Variants in ELAVL1 observed in about 807,000 individuals in gnomAD.
ELAVL1 encodes ELAV-like protein 1.
A neutral mutation model predicts 28.4 loss-of-function variants in ELAVL1; 1 was observed. That is an observed-to-expected ratio of 0.04 (90% CI 0.01 to 0.17). The LOEUF is 0.17. ELAVL1 is among the 10% of genes least tolerant of loss of function. ELAVL1 has a pLI of 1.00. For missense variants in ELAVL1, 157 were observed against 447.2 expected, an observed-to-expected ratio of 0.35 and a Z score of 5.85; for synonymous variants, 174 against 183.5, an observed-to-expected ratio of 0.95 and a Z score of 0.42.
chr19:7,996,582 G>A (rs945737469), intron 1 of ELAVL1, among the ~76,000 whole-genome samples: 2 of 151,908 alleles, frequency 1.3e-5, no homozygotes, highest in Non-Finnish European at 2.9e-5. Context: ...GAGGTGGGTG[G>A]ATCACCTGAG....
At chr19:7,987,762 C>G (rs7251814) in intron 2 of ELAVL1, among the ~76,000 whole-genome samples, 19 of 152,090 alleles carry the variant, frequency 1.2e-4, no homozygotes, top group Non-Finnish European at 2.2e-4. Context: ...TAACAAAGCT[C>G]CTCCCTCCAG....
At position 8,001,986 on chromosome 19, in the gene ELAVL1, T is replaced by TC. The variant is rs1266279562; in HGVS notation, c.-17+3508dup. The TC allele has an allele frequency of 3.2e-6, 4 of 1,239,360 alleles. No individual in the cohort carries two copies. In the African/African-American group the frequency reaches 4.6e-5, roughly 14 times the overall value. The allele number at this position is 1,239,360 out of a possible 1,614,324, so 76.8% of individuals were successfully genotyped here. A position where few individuals can be genotyped will look rare whatever the true frequency, so the allele number is the denominator to read the frequency against. ...AGCCTGTGACTGGTTTCTCCTTGTC[T>TC]CCCCCCAGCCTCTCCACCAGGGTGA... is the stretch of plus-strand genomic sequence containing the variant. On this transcript the variant is annotated intron_variant, in intron 1 of 5. Transcript: ENST00000407627.
chr19:7,991,049 G>A (rs1242831620), intron 2 of ELAVL1, among the ~76,000 whole-genome samples: 1 of 152,210 alleles, frequency 6.6e-6, no homozygotes, highest in Non-Finnish European at 1.5e-5. Flanking sequence ...CCACTGTGAG[G>A]GAGTGGAACA....
chr19:7,968,463 C>T (rs1306166780), intron 4 of ELAVL1, among the ~76,000 whole-genome samples: 1 of 152,246 alleles, frequency 6.6e-6, no homozygotes, highest in Non-Finnish European at 1.5e-5. Context: ...CCCAAATTGC[C>T]ATCAGAATCA....
rs888321590 is a variant in ELAVL1 at position 7,981,252 on chromosome 19, G to A, written c.173-66C>T. 33 of 1,516,706 alleles carry A rather than the reference G, an allele frequency of 2.2e-5. No homozygotes were observed. The highest frequency in any genetic ancestry group is 9.0e-5 in the East Asian group (4 of 44,330). The allele number at this position is 1,516,706 out of a possible 1,614,324, so 94.0% of individuals were successfully genotyped here. ...TGCGAGTGAGGGACAGGGAGGTCGG[G>A]AAGCACTATATCTGCCTGGCCTTTG... On this transcript the variant is annotated intron_variant, in intron 2 of 5. Transcript: ENST00000407627. The surrounding 1 kb of genome is among the most constrained non-coding windows in gnomAD (Gnocchi z 4.2).
At chr19:7,984,986 C>T (rs1985562519) in intron 2 of ELAVL1, among the ~76,000 whole-genome samples, 1 of 152,204 alleles carries the variant, frequency 6.6e-6, no homozygotes, top group Non-Finnish European at 1.5e-5. Context: ...GTTGCCAAGA[C>T]TCGGCTCACT....
chr19:7,972,207 T>G (rs959553085), intron 4 of ELAVL1, among the ~76,000 whole-genome samples: 4 of 152,244 alleles, frequency 2.6e-5, no homozygotes, highest in African/African-American at 9.6e-5. Flanking sequence ...CAAACAGAGC[T>G]GAGCGATCCT....
chr19:7,980,636 C>A (rs1165836883), intron 3 of ELAVL1, among the ~76,000 whole-genome samples: 1 of 152,196 alleles, frequency 6.6e-6, no homozygotes, highest in Admixed American at 6.5e-5. Flanking sequence ...ACATGGCTAT[C>A]CTCTGTCTTG....
chr19:8,005,296 CG>C (rs1043339895), intron 1 of ELAVL1, among the ~76,000 whole-genome samples, 198 bp downstream of exon 1: 1 of 151,028 alleles, frequency 6.6e-6, no homozygotes, highest in African/African-American at 2.4e-5. Context: ...AATCCGGCCC[CG>C]GGGCCTGTAG....
chr19:7,995,606 T>G (rs1021569555), intron 1 of ELAVL1, among the ~76,000 whole-genome samples: 1 of 152,192 alleles, frequency 6.6e-6, no homozygotes, highest in Non-Finnish European at 1.5e-5. Flanking sequence ...CACAGTTAAG[T>G]AGTAGCAACC....
intron 1 of ELAVL1, among the ~76,000 whole-genome samples, chr19:8,003,249 C>T (rs2081074249): frequency 1.4e-5 from 2 of 147,572 alleles, no homozygotes; most frequent in South Asian, 4.3e-4. Context: ...ATTAGCTGGA[C>T]GTGGTGGCGG....
At chr19:7,993,994 G>A (rs1284178116) in intron 1 of ELAVL1, among the ~76,000 whole-genome samples, 1 of 152,184 alleles carries the variant, frequency 6.6e-6, no homozygotes, top group Non-Finnish European at 1.5e-5. Flanking sequence ...TGGAAAATCA[G>A]TACAATTTCC....
intron 3 of ELAVL1, among the ~76,000 whole-genome samples, chr19:7,978,909 T>C (rs116905941): frequency 2.0e-5 from 3 of 152,132 alleles, no homozygotes; most frequent in Non-Finnish European, 2.9e-5. Flanking sequence ...CCAGGATCAG[T>C]TGAACGCACA....
At chr19:7,992,830 G>A (rs975059317) in intron 1 of ELAVL1, among the ~76,000 whole-genome samples, 2 of 152,098 alleles carry the variant, frequency 1.3e-5, no homozygotes, top group South Asian at 2.1e-4. Context: ...TGGGTGTGGC[G>A]GCGCCATCAC....
At position 7,982,928 on chromosome 19, in the gene ELAVL1, G is replaced by A. The variant is rs553458853; in HGVS notation, c.173-1742C>T. On this transcript the variant is annotated intron_variant, in intron 2 of 5. Coordinates refer to ENST00000407627, the MANE Select transcript of ELAVL1 (RefSeq NM_001419.3). The surrounding 1 kb of genome is among the most constrained non-coding windows in gnomAD (Gnocchi z 4.3). Reference sequence around the variant, plus strand: ...TCACACGATGTCAAGGGCACAGGCCGTCAACGTGACTTATGGCTGCTGGTG... The same window carrying A: ...TCACACGATGTCAAGGGCACAGGCCATCAACGTGACTTATGGCTGCTGGTG... Among the ~76,000 whole-genome samples, 3 of 152,332 alleles carry A rather than the reference G, an allele frequency of 2.0e-5. No homozygotes were observed. The highest frequency in any genetic ancestry group is 2.1e-4 in the South Asian group (1 of 4,830).
intron 1 of ELAVL1, among the ~76,000 whole-genome samples, chr19:8,001,289 G>A (rs1218017553): frequency 6.6e-6 from 1 of 151,980 alleles, no homozygotes; most frequent in Non-Finnish European, 1.5e-5. Flanking sequence ...ACTTCATTTG[G>A]TGGCATAGCC....
chr19:7,972,622 T>C (rs1191017893), intron 4 of ELAVL1, among the ~76,000 whole-genome samples: 2 of 132,264 alleles, frequency 1.5e-5, no homozygotes, highest in Admixed American at 1.4e-4. Flanking sequence ...GCAGCCTTTT[T>C]TTTTCTTTTT....
chr19:7,979,508 G>A lies in ELAVL1; in HGVS notation c.276+1575C>T, dbSNP rs1212935837. 6.6e-6 allele frequency among the ~76,000 whole-genome samples: 1 copy of A among 152,240 alleles called. No individual in the cohort carries two copies. The highest frequency in any genetic ancestry group is 1.5e-5 in the Non-Finnish European group (1 of 68,042). ...GCGTTCTGCTCCACACCTCAGCCTGGCTGCCTCAGAAACAAGAACCTTCAC... is the reference window on the plus strand; with the variant it reads ...GCGTTCTGCTCCACACCTCAGCCTGACTGCCTCAGAAACAAGAACCTTCAC... On this transcript the variant is annotated intron_variant, in intron 3 of 5. Transcript: ENST00000407627. The surrounding 1 kb of genome is among the most constrained non-coding windows in gnomAD (Gnocchi z 5.4).
rs370667077 is a variant in ELAVL1 at position 8,005,057 on chromosome 19, C to T, written c.-17+438G>A. Among the ~76,000 whole-genome samples the T allele has an allele frequency of 3.2e-4, 49 of 152,264 alleles. 1 individual carries two copies. The highest frequency in any genetic ancestry group is 1.1e-3 in the African/African-American group (46 of 41,570). ...AAAGGACCTCGCACCGGCCGCGGTG[C>T]TCTGACAACGACCACAAAAGAATCT... On this transcript the variant is annotated intron_variant, in intron 1 of 5. Transcript: ENST00000407627.
Sources: gnomAD v4.1 joint callset for allele counts (sites outside exome capture counted in the v4.1 genomes callset) on GRCh38, gnomAD v4.1.1 for gene constraint, Gnocchi (gnomAD v3.1) non-coding constraint, MANE v1.5 for transcripts, NCBI Gene and HGNC (gene_info 2026-07-23, HGNC 2026-07-21) for gene names.